Variants in GRIK2 observed in about 807,000 individuals in gnomAD.
GRIK2 encodes the protein glutamate ionotropic receptor kainate type subunit 2, also known as glutamate receptor ionotropic, kainate 2.
A neutral mutation model predicts 100.3 loss-of-function variants in GRIK2; 32 were observed. The observed-to-expected ratio is 0.32, with a 90% CI of 0.24 to 0.43. The LOEUF (loss-of-function observed/expected upper bound fraction) is 0.43. Among genes scored for constraint, GRIK2 ranks in the 20% least tolerant of loss-of-function variants. The pLI is 1.00. For missense variants in GRIK2, 843 were observed against 1,114.9 expected, an observed-to-expected ratio of 0.76 and a Z score of 3.47; for synonymous variants, 417 against 389.4, an observed-to-expected ratio of 1.07 and a Z score of -0.83.
At chr6:101,572,436 A>ACG (rs1777583161) in intron 2 of GRIK2, among the ~76,000 whole-genome samples, 1 of 152,196 alleles carries the variant, frequency 6.6e-6, no homozygotes, top group Admixed American at 6.6e-5. Context: ...TGTGCGTAAT[A>ACG]CAATATGCTA....
intron 2 of GRIK2, among the ~76,000 whole-genome samples, chr6:101,558,225 T>A (rs1776837110): frequency 6.6e-6 from 1 of 152,202 alleles, no homozygotes; most frequent in South Asian, 2.1e-4. Context: ...GCTTTCCACA[T>A]TCAATAAACA....
At chr6:101,572,528 G>A (rs913531295) in intron 2 of GRIK2, among the ~76,000 whole-genome samples, 1 of 152,028 alleles carries the variant, frequency 6.6e-6, no homozygotes, top group Non-Finnish European at 1.5e-5. Context: ...AAGTAGAATA[G>A]GAAATGCTTT....
chr6:102,007,412 G>C (rs935959396), intron 14 of GRIK2, among the ~76,000 whole-genome samples: 2 of 152,014 alleles, frequency 1.3e-5, no homozygotes, highest in Non-Finnish European at 2.9e-5. Context: ...TTAAATGCAG[G>C]GTTTGCAAGC....
At chr6:101,748,600 C>CTT (rs1363332435) in intron 7 of GRIK2, among the ~76,000 whole-genome samples, 4 of 151,968 alleles carry the variant, frequency 2.6e-5, no homozygotes, top group African/African-American at 9.7e-5. Context: ...CCACCAGACT[C>CTT]TGAGTCCTGC....
chr6:101,787,617 C>T (rs891437729), intron 7 of GRIK2, among the ~76,000 whole-genome samples: 6 of 151,976 alleles, frequency 3.9e-5, no homozygotes, highest in African/African-American at 1.2e-4. Flanking sequence ...TTCAAAAATT[C>T]TTCTTGTTAT....
intron 12 of GRIK2, among the ~76,000 whole-genome samples, chr6:101,912,409 T>C (rs1212865623): frequency 1.3e-5 from 2 of 151,548 alleles, no homozygotes; most frequent in African/African-American, 4.8e-5. Flanking sequence ...CCTACATCCC[T>C]GTCAGCTCTT....
chr6:101,844,038 A>C (rs1405692415), intron 10 of GRIK2, among the ~76,000 whole-genome samples: 1 of 152,166 alleles, frequency 6.6e-6, no homozygotes, highest in Non-Finnish European at 1.5e-5. Flanking sequence ...GATTATACTG[A>C]ATGAATGATT....
chr6:102,043,088 G>C (rs1420619304), intron 15 of GRIK2, among the ~76,000 whole-genome samples: 1 of 151,332 alleles, frequency 6.6e-6, no homozygotes, highest in African/African-American at 2.4e-5. Context: ...ATGATCTTAG[G>C]TACCTGAATA....
At chr6:101,945,189 A>G (rs2128477049) in intron 14 of GRIK2, among the ~76,000 whole-genome samples, 1 of 152,176 alleles carries the variant, frequency 6.6e-6, no homozygotes, top group South Asian at 2.1e-4. Flanking sequence ...TTAGCTTTTT[A>G]GGTTTATGCA....
At chr6:101,981,126 C>T (rs542749309) in intron 14 of GRIK2, among the ~76,000 whole-genome samples, 1 of 151,902 alleles carries the variant, frequency 6.6e-6, no homozygotes, top group Non-Finnish European at 1.5e-5. Flanking sequence ...CCAGCCATGC[C>T]TGCCCAGAAG....
At chr6:101,933,420 T>G (rs1441136756) in intron 14 of GRIK2, among the ~76,000 whole-genome samples, 1 of 151,992 alleles carries the variant, frequency 6.6e-6, no homozygotes, top group East Asian at 1.9e-4. Context: ...ACTAGCCAGC[T>G]GATACTTTGA....
intron 2 of GRIK2, among the ~76,000 whole-genome samples, chr6:101,546,336 C>T (rs1240360462): frequency 6.6e-6 from 1 of 152,102 alleles, no homozygotes; most frequent in Admixed American, 6.6e-5. Context: ...TAATAATCAC[C>T]CCTAATGATT....
intron 2 of GRIK2, among the ~76,000 whole-genome samples, chr6:101,442,492 A>G (rs1215620789): frequency 2.6e-5 from 4 of 152,112 alleles, no homozygotes; most frequent in African/African-American, 7.2e-5. Flanking sequence ...CTGTCTCCGA[A>G]CCTTAATACT....
At chr6:101,467,437 C>A (rs1336084782) in intron 2 of GRIK2, among the ~76,000 whole-genome samples, 4 of 152,078 alleles carry the variant, frequency 2.6e-5, no homozygotes, top group Non-Finnish European at 5.9e-5. Flanking sequence ...ATAAAAGATA[C>A]AAAGCTTTCA....
chr6:101,644,193 T>C (rs922552506), intron 4 of GRIK2, among the ~76,000 whole-genome samples: 5 of 151,780 alleles, frequency 3.3e-5, no homozygotes, highest in African/African-American at 1.2e-4. Flanking sequence ...TGATAAATGC[T>C]AAAAGAGAGT....
intron 4 of GRIK2, among the ~76,000 whole-genome samples, chr6:101,657,475 A>C (rs1332076227): frequency 6.6e-6 from 1 of 152,198 alleles, no homozygotes; most frequent in Non-Finnish European, 1.5e-5. Flanking sequence ...GTGTGAGAAC[A>C]GACTGATACA....
chr6:101,740,968 C>A (rs1775990500), intron 7 of GRIK2, among the ~76,000 whole-genome samples: 1 of 152,130 alleles, frequency 6.6e-6, no homozygotes, highest in Non-Finnish European at 1.5e-5. Context: ...TTTGAGGGGA[C>A]AATTATCCAA....
rs550497665 is a variant in GRIK2, at chr6:101,530,919, G to A, written c.116-91030G>A. On this transcript the variant is annotated intron_variant, in intron 2 of 16. Coordinates refer to ENST00000369134, the MANE Select transcript of GRIK2 (RefSeq NM_021956.5). Reference sequence around the variant, plus strand: ...CAAAGGGGAGGAAAGAGCCATTGACGAATACTGGTAGCATTAGCTTAAATA... The same window carrying A: ...CAAAGGGGAGGAAAGAGCCATTGACAAATACTGGTAGCATTAGCTTAAATA... 8.5e-4 allele frequency among the ~76,000 whole-genome samples: 129 copies of A among 152,036 alleles called. 3 individuals carry two copies. In the South Asian group the frequency reaches 0.024, roughly 28 times the overall value.
intron 2 of GRIK2, among the ~76,000 whole-genome samples, chr6:101,403,726 G>A (rs892497979): frequency 7.9e-5 from 12 of 152,178 alleles, no homozygotes; most frequent in Non-Finnish European, 1.3e-4. Flanking sequence ...GGTGAGGTGG[G>A]CGGGAGGGAG....
Sources: allele counts gnomAD v4.1 joint callset (sites outside exome capture counted in the v4.1 genomes callset), GRCh38; gene constraint gnomAD v4.1.1; transcripts MANE v1.5; gene names NCBI Gene and HGNC (gene_info 2026-07-23, HGNC 2026-07-21).